The following BRINP3 variants were observed in gnomAD, a reference collection of about 807,000 sequenced individuals.
The protein encoded by BRINP3 is BMP/retinoic acid-inducible neural-specific protein 3.
Under a neutral mutation model 71.0 loss-of-function variants are expected in BRINP3, and 19 were observed. The ratio of observed to expected loss-of-function variants is 0.27; its 90% confidence interval spans 0.19 to 0.39. The LOEUF (loss-of-function observed/expected upper bound fraction) is 0.39. Ranked by LOEUF, BRINP3 falls within the 10% of genes least tolerant of loss-of-function variation. BRINP3 has a pLI of 1.00. For synonymous variants in BRINP3, 380 were observed against 337.7 expected, an observed-to-expected ratio of 1.13 and a Z score of -1.37; for missense variants, 959 against 940.8, an observed-to-expected ratio of 1.02 and a Z score of -0.25.
At chr1:190,200,084 A>T (rs2102607507) in intron 6 of BRINP3, among the ~76,000 whole-genome samples, 1 of 152,188 alleles carries the variant, frequency 6.6e-6, no homozygotes, top group African/African-American at 2.4e-5. Flanking sequence ...ATTGTTTCTC[A>T]TCGATACACC....
At chr1:190,336,885 TCCTTCCTC>T (rs1390740777) in intron 2 of BRINP3, among the ~76,000 whole-genome samples, 38 of 146,618 alleles carry the variant, frequency 2.6e-4, no homozygotes, top group Non-Finnish European at 4.7e-4. Context: ...CTTCCTTCCT[TCCTTCCTC>T]CCTTCCTTCT....
chr1:190,103,085 AGAGTAG>A, intron 7 of BRINP3, among the ~76,000 whole-genome samples: 1 of 152,220 alleles, frequency 6.6e-6, no homozygotes, highest in Middle Eastern at 3.4e-3. Context: ...AAAGAGGACT[AGAGTAG>A]GAGTGTGAAT....
intron 1 of BRINP3, among the ~76,000 whole-genome samples, chr1:190,457,930 A>T (rs1382116642): frequency 6.6e-6 from 1 of 151,958 alleles, no homozygotes; most frequent in Non-Finnish European, 1.5e-5. Context: ...AAAAAAAAAA[A>T]AAACTATATT....
At chr1:190,242,348 T>C (rs1033794613) in intron 4 of BRINP3, among the ~76,000 whole-genome samples, 4 of 152,046 alleles carry the variant, frequency 2.6e-5, no homozygotes, top group African/African-American at 9.7e-5. Flanking sequence ...GTGTTATACA[T>C]AATTAATATA....
chr1:190,260,735 A>C (rs1214813579), intron 4 of BRINP3, among the ~76,000 whole-genome samples: 1 of 152,136 alleles, frequency 6.6e-6, no homozygotes, highest in East Asian at 1.9e-4. Flanking sequence ...ATGTAAATTT[A>C]GAGTTAGCTC....
chr1:190,315,495 G>C (rs1665821079), intron 2 of BRINP3, among the ~76,000 whole-genome samples: 1 of 152,124 alleles, frequency 6.6e-6, no homozygotes, highest in African/African-American at 2.4e-5. Context: ...CTAATCAAGA[G>C]ACATGCCCTA....
chr1:190,447,622 C>CTATA (rs1395222096), intron 2 of BRINP3, among the ~76,000 whole-genome samples: 2 of 144,626 alleles, frequency 1.4e-5, no homozygotes, highest in African/African-American at 5.0e-5. Flanking sequence ...CTCTCTCTCT[C>CTATA]TATATATATA....
At chr1:190,186,261 C>T (rs1653513871) in intron 6 of BRINP3, among the ~76,000 whole-genome samples, 1 of 151,754 alleles carries the variant, frequency 6.6e-6, no homozygotes, top group Non-Finnish European at 1.5e-5. Flanking sequence ...GTCTGTAATC[C>T]CAGCTACTTG....
chr1:190,338,914 A>C lies in BRINP3; in HGVS notation c.237-57164T>G, dbSNP rs534004978. Among the ~76,000 whole-genome samples, 24 of 151,998 alleles carry C rather than the reference A, an allele frequency of 1.6e-4. No homozygotes were observed. In the South Asian group the frequency reaches 5.0e-3, roughly 32 times the overall value. On this transcript the variant is annotated intron_variant, in intron 2 of 7. Transcript: ENST00000367462. ...TTGTCAGTAAAAGGGAATGTTTCTT[A>C]TGCATAGTTACAAGGTGTGATGGTG...
chr1:190,354,666 C>G (rs992744836), intron 2 of BRINP3, among the ~76,000 whole-genome samples: 1 of 151,704 alleles, frequency 6.6e-6, no homozygotes, highest in African/African-American at 2.4e-5. Flanking sequence ...TTTGTACAGT[C>G]GTGATACCTC....
At chr1:190,204,641 T>C (rs1046990963) in intron 6 of BRINP3, among the ~76,000 whole-genome samples, 1 of 152,042 alleles carries the variant, frequency 6.6e-6, no homozygotes, top group African/African-American at 2.4e-5. Context: ...CTTCAAGTAT[T>C]ATACAGGAGG....
At chr1:190,466,724 T>G (rs1360171822) in intron 1 of BRINP3, among the ~76,000 whole-genome samples, 1 of 151,602 alleles carries the variant, frequency 6.6e-6, no homozygotes, top group African/African-American at 2.4e-5. Flanking sequence ...TTAGGCAACA[T>G]GAGGCAGATT....
intron 2 of BRINP3, among the ~76,000 whole-genome samples, chr1:190,351,906 A>C (rs1475903261): frequency 2.6e-5 from 4 of 152,104 alleles, no homozygotes; most frequent in African/African-American, 9.6e-5. Flanking sequence ...TATGGTTGAA[A>C]GTTCTCTAGG....
At chr1:190,116,141 A>C (rs1653118158) in intron 7 of BRINP3, among the ~76,000 whole-genome samples, 1 of 152,120 alleles carries the variant, frequency 6.6e-6, no homozygotes, top group African/African-American at 2.4e-5. Flanking sequence ...TTTTATCCAG[A>C]TAATCCTATG....
chr1:190,359,987 C>G (rs926239176), intron 2 of BRINP3, among the ~76,000 whole-genome samples: 1 of 152,080 alleles, frequency 6.6e-6, no homozygotes, highest in Non-Finnish European at 1.5e-5. Context: ...CACTAAAAAG[C>G]TTTCATTAGC....
intron 6 of BRINP3, among the ~76,000 whole-genome samples, chr1:190,193,762 A>G (rs1654247262): frequency 6.6e-6 from 1 of 151,980 alleles, no homozygotes; most frequent in Admixed American, 6.6e-5. Flanking sequence ...ATGCAAATCT[A>G]CTCCCAGACT....
chr1:190,254,875 T>C (rs577321021), intron 4 of BRINP3, among the ~76,000 whole-genome samples: 1 of 152,274 alleles, frequency 6.6e-6, no homozygotes, highest in South Asian at 2.1e-4. Context: ...ATGCTTCCAG[T>C]TTTTGCCCAT....
intron 4 of BRINP3, among the ~76,000 whole-genome samples, chr1:190,259,593 C>T (rs1660985051): frequency 6.8e-6 from 1 of 147,516 alleles, no homozygotes; most frequent in African/African-American, 2.5e-5. Context: ...TTTCCATTCT[C>T]ACCACCAGGA....
rs559745324 is a variant in BRINP3, at chr1:190,169,104, T to TA, written c.962-8215dup. Among the ~76,000 whole-genome samples, 5 of 152,210 alleles carry TA rather than the reference T, an allele frequency of 3.3e-5. No individual in the cohort carries two copies. In the South Asian group the frequency reaches 1.0e-3, roughly 32 times the overall value. On this transcript the variant is annotated intron_variant, in intron 6 of 7. Transcript: ENST00000367462. ...TGAAAAATATGAAATGTGAAATATG[T>TA]AAAAAAACACGACTAGCAGGTATTC...
Sources: allele counts gnomAD v4.1 joint callset (sites outside exome capture counted in the v4.1 genomes callset), GRCh38; gene constraint gnomAD v4.1.1; transcripts MANE v1.5; gene names NCBI Gene and HGNC (gene_info 2026-07-23, HGNC 2026-07-21).